CACNA1A: variants seen among roughly 807,000 people sequenced by gnomAD.
CACNA1A encodes the protein voltage-dependent P/Q-type calcium channel subunit alpha-1A.
In CACNA1A, 57 loss-of-function variants were observed where a neutral mutation model predicts 262.4. That is an observed-to-expected ratio of 0.22 (90% CI 0.18 to 0.27). The LOEUF (loss-of-function observed/expected upper bound fraction) is 0.27. Ranked by LOEUF, CACNA1A falls within the 10% of genes least tolerant of loss-of-function variation. The pLI, the probability that CACNA1A is intolerant of heterozygous loss-of-function variation, is 1.00. For synonymous variants in CACNA1A, 1,431 were observed against 1,419.3 expected, an observed-to-expected ratio of 1.01 and a Z score of -0.18; for missense variants, 2,526 against 3,562.8, an observed-to-expected ratio of 0.71 and a Z score of 7.41.
At chr19:13,413,927 G>GA (rs937959566) in intron 3 of CACNA1A, among the ~76,000 whole-genome samples, 8 of 118,928 alleles carry the variant, frequency 6.7e-5, no homozygotes, top group African/African-American at 1.7e-4. Flanking sequence ...AAGAAAGAAA[G>GA]AAAGAAAGAA....
At chr19:13,245,361 T>A in intron 30 of CACNA1A, 96 bp from the exon 31 acceptor site, 1 of 897,560 alleles carries the variant, frequency 1.1e-6, no homozygotes, top group East Asian at 2.4e-5. Flanking sequence ...CAGTTGCCCA[T>A]CAGCGGAGTG....
intron 3 of CACNA1A, among the ~76,000 whole-genome samples, chr19:13,395,910 G>A (rs1027826279): frequency 2.0e-5 from 3 of 152,192 alleles, no homozygotes; most frequent in African/African-American, 4.8e-5. Flanking sequence ...AATCAAGACA[G>A]CCCTTTTTGG....
intron 3 of CACNA1A, among the ~76,000 whole-genome samples, chr19:13,443,185 C>T (rs997747015): frequency 6.6e-6 from 1 of 151,980 alleles, no homozygotes; most frequent in Non-Finnish European, 1.5e-5. Flanking sequence ...AAATAAATTG[C>T]TTTTTCTTTA....
rs981058428 is a variant in CACNA1A, at chr19:13,359,699, G to A, written c.885C>T (p.Asn295=). Residue 295 remains asparagine, a synonymous_variant, in exon 6 of 47, where the codon AAC becomes AAT. Coordinates refer to ENST00000360228, the MANE Select transcript of CACNA1A (RefSeq NM_001127222.2). ...TGTTGTCGAACTGAGTGATCCCGTT[G>A]TTGGGCCCTTCCCAGTAGGGCTGAC... is the stretch of plus-strand genomic sequence containing the variant. ...TKCQPYWEGP[N]NGITQFDNIL... 10 of 1,600,108 alleles carry A rather than the reference G, an allele frequency of 6.2e-6. No individual in the cohort carries two copies. The highest frequency in any genetic ancestry group is 1.7e-5 in the Admixed American group (1 of 57,728).
At chr19:13,411,762 A>G (rs2060113836) in intron 3 of CACNA1A, among the ~76,000 whole-genome samples, 1 of 151,440 alleles carries the variant, frequency 6.6e-6, no homozygotes, top group African/African-American at 2.4e-5. Context: ...CCCAGGCTGA[A>G]GCACAATGGT....
At position 13,303,585 on chromosome 19, in the gene CACNA1A, G is replaced by T. The variant is rs764839814; in HGVS notation, c.2133C>A (p.Ile711=). The stretch of plus-strand genomic sequence containing the variant: ...GGGCGTTGGCCAGATTGTCCACAGC[G>T]ATGGCCAAGAACACATTCAGGAGGG... ...NYTLLNVFLA[I]AVDNLANAQE... Residue 711 remains isoleucine (I), a synonymous_variant, in exon 17 of 47, where the codon ATC becomes ATA. Transcript: ENST00000360228. The T allele has an allele frequency of 5.0e-6, 8 of 1,610,972 alleles. No individual in the cohort carries two copies. Among genetic ancestry groups the T allele is most frequent in the Non-Finnish European group, 5.9e-6 (7 of 1,178,666 alleles).
intron 12 of CACNA1A, among the ~76,000 whole-genome samples, chr19:13,310,454 CAAAAAAAAAAAAAAAAAAAAAA>C (rs869052278): frequency 3.9e-5 from 1 of 25,904 alleles, no homozygotes; most frequent in African/African-American, 2.3e-4. Flanking sequence ...GACTCTGTCT[CAAAAAAAAAAAAAAAAAAAAAA>C]AAAAAAAAAA....
chr19:13,298,449 T>C (rs1350737410), intron 19 of CACNA1A, 95 bp downstream of exon 19: 6 of 1,194,974 alleles, frequency 5.0e-6, no homozygotes, highest in Non-Finnish European at 7.0e-6. Flanking sequence ...TTTTATAATA[T>C]ATTTTTATAA....
chr19:13,446,384 A>C (rs1484361385), intron 3 of CACNA1A, among the ~76,000 whole-genome samples: 1 of 151,018 alleles, frequency 6.6e-6, no homozygotes, highest in Non-Finnish European at 1.5e-5. Context: ...TACCATTGAC[A>C]TTGGCAGAAG....
intron 5 of CACNA1A, among the ~76,000 whole-genome samples, chr19:13,361,868 TA>T (rs954979330): frequency 1.3e-5 from 2 of 152,192 alleles, no homozygotes; most frequent in African/African-American, 4.8e-5. Flanking sequence ...AACTATCGTT[TA>T]GCATGGCACC....
intron 3 of CACNA1A, among the ~76,000 whole-genome samples, chr19:13,428,813 T>A (rs1004120072): frequency 1.3e-5 from 2 of 152,058 alleles, no homozygotes; most frequent in African/African-American, 4.8e-5. Flanking sequence ...AGAGCCCTCA[T>A]GTTTGTATTT....
intron 6 of CACNA1A, among the ~76,000 whole-genome samples, chr19:13,358,159 G>A (rs1436371926): frequency 1.3e-5 from 2 of 152,250 alleles, no homozygotes; most frequent in East Asian, 1.9e-4. Flanking sequence ...GCTCCTGGCA[G>A]AGCAGCATCA....
chr19:13,325,569 G>C (rs1600335308), intron 10 of CACNA1A, among the ~76,000 whole-genome samples: 2 of 152,240 alleles, frequency 1.3e-5, no homozygotes, highest in South Asian at 2.1e-4. Flanking sequence ...CAAGTAGTTG[G>C]GATTACAGGC....
At chr19:13,446,427 G>A (rs1020129228) in intron 3 of CACNA1A, among the ~76,000 whole-genome samples, 2 of 147,886 alleles carry the variant, frequency 1.4e-5, no homozygotes, top group Non-Finnish European at 3.0e-5. Context: ...GTGTGTGCGC[G>A]CGTGTTTTTT....
At chr19:13,209,245 C>T (rs902805395) in intron 45 of CACNA1A, 67 bp downstream of exon 45, 3 of 1,422,064 alleles carry the variant, frequency 2.1e-6, no homozygotes, top group African/African-American at 2.9e-5. Flanking sequence ...GTCTCCTCCG[C>T]CCTGCCTTCT....
At chr19:13,464,543 A>ATTGTTTTTTTTTTTTTTTTTTTTTTT (rs1170388497) in intron 1 of CACNA1A, among the ~76,000 whole-genome samples, 1 of 128,960 alleles carries the variant, frequency 7.8e-6, no homozygotes, top group East Asian at 2.3e-4. Context: ...AACTTTTCCA[A>ATTGTTTTTTTTTTTTTTTTTTTTTTT]TTTTTTTTTT....
intron 3 of CACNA1A, among the ~76,000 whole-genome samples, chr19:13,430,823 G>A (rs751930921): frequency 6.6e-5 from 10 of 152,010 alleles, no homozygotes; most frequent in Non-Finnish European, 1.3e-4. Context: ...GCCTAGAGGC[G>A]GGGAGTGGGG....
intron 6 of CACNA1A, among the ~76,000 whole-genome samples, chr19:13,343,911 T>G (rs990334907): frequency 2.0e-5 from 3 of 152,056 alleles, no homozygotes; most frequent in Non-Finnish European, 2.9e-5. Flanking sequence ...ATCAAATACC[T>G]ACATCACAAA....
chr19:13,478,100 T>C (rs1409734348), intron 1 of CACNA1A, among the ~76,000 whole-genome samples: 2 of 152,152 alleles, frequency 1.3e-5, no homozygotes, highest in East Asian at 3.9e-4. Flanking sequence ...GCTGTGCAAA[T>C]GTGTGTGTTG....
Sources: gnomAD v4.1 joint callset for allele counts (sites outside exome capture counted in the v4.1 genomes callset) on GRCh38, gnomAD v4.1.1 for gene constraint, MANE v1.5 for transcripts, NCBI Gene and HGNC (gene_info 2026-07-23, HGNC 2026-07-21) for gene names.